Variants in MBD5 observed in about 807,000 individuals in gnomAD.
MBD5 encodes the protein methyl-CpG-binding domain protein 5.
In MBD5, 13 loss-of-function variants were observed where a neutral mutation model predicts 117.3. The ratio of observed to expected loss-of-function variants is 0.11; its 90% CI spans 0.07 to 0.18. MBD5 has a LOEUF of 0.18. Ranked by LOEUF, MBD5 falls within the 10% of genes least tolerant of loss-of-function variation. The pLI is 1.00. For synonymous variants in MBD5, 727 were observed against 766.4 expected (o/e 0.95, Z 0.85); for missense variants, 1,879 against 2,093.8 (o/e 0.90, Z 2.00).
At chr2:148,510,224 A>C in intron 13 of MBD5, 89 bp downstream of exon 13, 2 of 907,148 alleles carry the variant, frequency 2.2e-6, no homozygotes, top group African/African-American at 3.3e-5. Context: ...GTATTGTCAA[A>C]CAACTCACAT....
intron 4 of MBD5, among the ~76,000 whole-genome samples, chr2:148,391,617 A>T (rs1704574513): frequency 1.3e-5 from 2 of 152,198 alleles, no homozygotes; most frequent in African/African-American, 4.8e-5. Flanking sequence ...AGCAGACAAC[A>T]TTCCTCTCTA....
At chr2:148,345,452 CACATATACATATGTATATACACAT>C (rs1297070847) in intron 4 of MBD5, among the ~76,000 whole-genome samples, 22,472 of 78,550 alleles carry the variant, frequency 0.29, 3,376 homozygotes, top group Non-Finnish European at 0.31. Context: ...TATACACATA[CACATATACATATGTATATACACAT>C]ACATATACAT....
chr2:148,137,476 T>G (rs1486296570), intron 1 of MBD5, among the ~76,000 whole-genome samples: 1 of 152,140 alleles, frequency 6.6e-6, no homozygotes, highest in Non-Finnish European at 1.5e-5. Context: ...ATCTTACCCA[T>G]CTGGCCAGGC....
intron 2 of MBD5, among the ~76,000 whole-genome samples, chr2:148,212,374 A>C (rs1458933494): frequency 6.6e-6 from 1 of 152,196 alleles, no homozygotes. Context: ...AATGTTTTCA[A>C]GGCTCATCTG....
intron 3 of MBD5, among the ~76,000 whole-genome samples, chr2:148,236,593 C>A (rs1305983958): frequency 6.6e-6 from 1 of 152,134 alleles, no homozygotes; most frequent in Non-Finnish European, 1.5e-5. Context: ...GCGAATCATG[C>A]TGCAAACAGA....
At chr2:148,149,341 G>A (rs1288368513) in intron 1 of MBD5, among the ~76,000 whole-genome samples, 1 of 135,342 alleles carries the variant, frequency 7.4e-6, no homozygotes, top group Non-Finnish European at 1.6e-5. Flanking sequence ...GTCTATCATT[G>A]TTGGACATTT....
intron 4 of MBD5, among the ~76,000 whole-genome samples, chr2:148,391,836 C>T (rs533463434): frequency 1.3e-5 from 2 of 152,210 alleles, no homozygotes; most frequent in African/African-American, 4.8e-5. Context: ...TTAATATTGG[C>T]TTAGGTTTTG....
chr2:148,391,642 C>G (rs1348585243), intron 4 of MBD5, among the ~76,000 whole-genome samples: 1 of 152,104 alleles, frequency 6.6e-6, no homozygotes, highest in Non-Finnish European at 1.5e-5. Flanking sequence ...GGTCATCTTC[C>G]TGATTTTAGA....
At chr2:148,395,429 T>TC (rs1376138015) in intron 4 of MBD5, among the ~76,000 whole-genome samples, 2 of 149,194 alleles carry the variant, frequency 1.3e-5, no homozygotes, top group Non-Finnish European at 3.0e-5. Context: ...AACTCATCTT[T>TC]TTTTTTTTTT....
At chr2:148,478,408 C>A (rs1681039334) in intron 8 of MBD5, among the ~76,000 whole-genome samples, 1 of 152,084 alleles carries the variant, frequency 6.6e-6, no homozygotes, top group Admixed American at 6.6e-5. Flanking sequence ...TACGGTGAAA[C>A]CCTGTCTGTA....
At chr2:148,188,815 C>T (rs112051102) in intron 2 of MBD5, among the ~76,000 whole-genome samples, 6,753 of 152,022 alleles carry the variant, frequency 0.044, 162 homozygotes, top group Middle Eastern at 0.072. Flanking sequence ...ACGCAGAAGA[C>T]GGGTGATTTC....
chr2:148,387,506 T>A (rs1574367199), intron 4 of MBD5, among the ~76,000 whole-genome samples: 1 of 152,198 alleles, frequency 6.6e-6, no homozygotes, highest in African/African-American at 2.4e-5. Flanking sequence ...ATTGAACATT[T>A]TAGTGGAGGT....
chr2:148,194,952 G>T (rs1048546283), intron 2 of MBD5, among the ~76,000 whole-genome samples: 3 of 152,050 alleles, frequency 2.0e-5, no homozygotes, highest in African/African-American at 7.2e-5. Context: ...AACTCCAGGG[G>T]TTGGCAAACT....
At chr2:148,095,003 T>TG (rs1696032602) in intron 1 of MBD5, among the ~76,000 whole-genome samples, 1 of 152,126 alleles carries the variant, frequency 6.6e-6, no homozygotes, top group Non-Finnish European at 1.5e-5. Flanking sequence ...AAAGGCCAGG[T>TG]GAATCATCCT....
chr2:148,145,896 G>T (rs1000210024), intron 1 of MBD5, among the ~76,000 whole-genome samples: 5 of 152,084 alleles, frequency 3.3e-5, no homozygotes, highest in African/African-American at 4.8e-5. Flanking sequence ...CAGGGATATT[G>T]GTCTAAAATT....
chr2:148,149,109 T>G (rs1257467943), intron 1 of MBD5, among the ~76,000 whole-genome samples: 1 of 146,706 alleles, frequency 6.8e-6, no homozygotes, highest in Non-Finnish European at 1.5e-5. Context: ...CCCACAACAG[T>G]CCCCAGAGTG....
chr2:148,483,494 C>A lies in MBD5; in HGVS notation c.2903C>A (p.Ala968Asp), dbSNP rs72861124. 4,929 of 1,613,552 alleles carry A rather than the reference C, an allele frequency of 3.1e-3. 14 individuals are homozygous for A. Among genetic ancestry groups the A allele is most frequent in the Non-Finnish European group, 2.8e-3 (3,318 of 1,179,716 alleles). The change falls in exon 9 of 14, where the codon GCT (alanine) becomes GAT (aspartate). Residue 968 changes from alanine to aspartate, a missense_variant. Ala to Asp is a moderately radical substitution (Grantham distance 126). Coordinates refer to ENST00000642680, the MANE Select transcript of MBD5 (RefSeq NM_001378120.1). ...LGFLNPNVNA[A>D]LAFLSSDMDG... ...TTTCTCAACCCGAATGTAAACGCTG[C>A]TTTAGCTTTTCTCTCCAGTGACATG...
At chr2:148,188,291 G>A (rs1046470109) in intron 2 of MBD5, among the ~76,000 whole-genome samples, 1 of 152,086 alleles carries the variant, frequency 6.6e-6, no homozygotes, top group African/African-American at 2.4e-5. Context: ...TTAAAATTGG[G>A]CTGTGATAAG....
chr2:148,437,063 A>G (rs1273625874), intron 4 of MBD5, among the ~76,000 whole-genome samples: 1 of 151,726 alleles, frequency 6.6e-6, no homozygotes. Context: ...GCTCACTGCA[A>G]CCTCCACCTC....
Sources: allele counts gnomAD v4.1 joint callset (sites outside exome capture counted in the v4.1 genomes callset), GRCh38; gene constraint gnomAD v4.1.1; transcripts MANE v1.5; gene names NCBI Gene and HGNC (gene_info 2026-07-23, HGNC 2026-07-21).